The following PLCB1 variants were observed in gnomAD, a reference collection of about 807,000 sequenced individuals.
PLCB1 encodes the protein phospholipase C beta 1.
Under a neutral mutation model 161.8 loss-of-function variants are expected in PLCB1, and 46 were observed. The ratio of observed to expected loss-of-function variants is 0.28; its 90% confidence interval spans 0.22 to 0.36. The LOEUF (loss-of-function observed/expected upper bound fraction) is 0.36, where lower values mean the gene tolerates loss of function less well. Among genes scored for constraint, PLCB1 ranks in the 10% least tolerant of loss-of-function variants. The probability of loss-of-function intolerance (pLI) is 1.00; values close to 1 mark genes in which losing one functional copy is unlikely to be tolerated. For missense variants in PLCB1, 1,016 were observed against 1,472.5 expected (o/e 0.69, Z 5.07); for synonymous variants, 517 against 503.7 (o/e 1.03, Z -0.35).
At chr20:8,298,940 TAGAC>T (rs567580208) in intron 2 of PLCB1, among the ~76,000 whole-genome samples, 1 of 152,174 alleles carries the variant, frequency 6.6e-6, no homozygotes, top group East Asian at 1.9e-4. Context: ...ATTATAGACA[TAGAC>T]AGGTAGGTAT....
In PLCB1 at chr20:8,841,572, T is replaced by A. The variant is rs73605744; in HGVS notation, c.3424-40050T>A. Among the ~76,000 whole-genome samples, 1,318 of 152,368 alleles carry A rather than the reference T, an allele frequency of 8.7e-3. 23 individuals carry two copies. Among genetic ancestry groups the A allele is most frequent in the African/African-American group, 0.03 (1,228 of 41,578 alleles). ...GAATATCAAGTTTTTTCTGCCTTCC[T>A]ACCTCTGTCTTTCCGTAAGACAAAT... On this transcript the variant is annotated intron_variant, in intron 31 of 31. Coordinates refer to ENST00000338037, the MANE Select transcript of PLCB1 (RefSeq NM_015192.4).
At chr20:8,152,165 A>G (rs892299824) in intron 2 of PLCB1, among the ~76,000 whole-genome samples, 52 of 152,148 alleles carry the variant, frequency 3.4e-4, no homozygotes, top group African/African-American at 1.2e-3. Context: ...TCTAGCCAAG[A>G]GATAGAAATA....
rs945429040 is a variant in PLCB1, at chr20:8,884,629, T to G, written c.*2780T>G. ...CCATTTGCTTGCATTACTTTGAATTTAATGTTGCGCTTGTGCACTGTGTTA... is the reference window on the plus strand; with the variant it reads ...CCATTTGCTTGCATTACTTTGAATTGAATGTTGCGCTTGTGCACTGTGTTA... On this transcript the variant is annotated 3_prime_UTR_variant, in exon 32 of 32. Transcript: ENST00000338037. 7.2e-5 allele frequency: 11 copies of G among 152,654 alleles called. No homozygotes were observed. Among genetic ancestry groups the G allele is most frequent in the African/African-American group, 2.7e-4 (11 of 41,466 alleles). The allele number at this position is 152,654 out of a possible 1,614,324, so 9.5% of individuals were successfully genotyped here.
At chr20:8,613,416 T>C (rs900515671) in intron 3 of PLCB1, among the ~76,000 whole-genome samples, 5 of 152,200 alleles carry the variant, frequency 3.3e-5, no homozygotes, top group African/African-American at 1.2e-4. Flanking sequence ...TAGCCGTGTC[T>C]GTTAGCAACT....
intron 2 of PLCB1, among the ~76,000 whole-genome samples, chr20:8,273,498 A>G (rs1044327878): frequency 2.4e-4 from 37 of 152,270 alleles, no homozygotes; most frequent in African/African-American, 8.7e-4. Context: ...TGCAAAATCA[A>G]TTGCCAATTT....
intron 2 of PLCB1, among the ~76,000 whole-genome samples, chr20:8,335,243 A>T (rs558370154): frequency 6.6e-6 from 1 of 152,292 alleles, no homozygotes; most frequent in African/African-American, 2.4e-5. Flanking sequence ...GCTGGAGGTG[A>T]CAAGCTGGGA....
chr20:8,846,516 C>T (rs1360685118), intron 31 of PLCB1, among the ~76,000 whole-genome samples: 1 of 151,720 alleles, frequency 6.6e-6, no homozygotes, highest in Non-Finnish European at 1.5e-5. Context: ...GGTCTAGGTG[C>T]ACTTTGTAAC....
chr20:8,707,489 GA>G (rs1271394092), intron 11 of PLCB1, among the ~76,000 whole-genome samples: 2 of 152,100 alleles, frequency 1.3e-5, no homozygotes, highest in African/African-American at 4.8e-5. Context: ...AGTTAAATAA[GA>G]AAAACATTTT....
chr20:8,145,326 TCTAAGGCCTC>T (rs1474930546), intron 1 of PLCB1, among the ~76,000 whole-genome samples: 1 of 152,160 alleles, frequency 6.6e-6, no homozygotes, highest in Non-Finnish European at 1.5e-5. Flanking sequence ...TAGGGCCCAC[TCTAAGGCCTC>T]CTTTTAACTT....
rs181904841 is a variant in PLCB1, at chr20:8,462,821, A to G, written c.246+91371A>G. On this transcript the variant is annotated intron_variant, in intron 3 of 31. Coordinates refer to ENST00000338037, the MANE Select transcript of PLCB1 (RefSeq NM_015192.4). ...TTCCTCCACAATAAGGCTTAGACGC[A>G]AAACACTTCGTTTTCCTGATCACCA... Among the ~76,000 whole-genome samples, 13 of 124,412 alleles carry G rather than the reference A, an allele frequency of 1.0e-4. No individual in the cohort carries two copies. The East Asian group carries it at 2.1e-3, about 20-fold the overall frequency. The allele number at this position is 124,412 out of a possible 152,430, so 81.6% of individuals were successfully genotyped here. A position where few individuals can be genotyped will look rare whatever the true frequency, so the allele number is the denominator to read the frequency against.
At chr20:8,289,803 C>A (rs1156836330) in intron 2 of PLCB1, among the ~76,000 whole-genome samples, 1 of 152,204 alleles carries the variant, frequency 6.6e-6, no homozygotes, top group Non-Finnish European at 1.5e-5. Context: ...CTGTCAGTTT[C>A]TCTTCCAGCC....
At chr20:8,571,171 G>GT (rs1256430428) in intron 3 of PLCB1, among the ~76,000 whole-genome samples, 1 of 152,168 alleles carries the variant, frequency 6.6e-6, no homozygotes, top group Non-Finnish European at 1.5e-5. Flanking sequence ...ACCTATTTGT[G>GT]TTTTTTAGAA....
chr20:8,165,904 T>G lies in PLCB1; in HGVS notation c.177+15533T>G, dbSNP rs141527904. ...TGCCACCAGACCTAATAGCACACTT[T>G]CATTTACAGCTGCTTTCCTCTGTCT... On this transcript the variant is annotated intron_variant, in intron 2 of 31. Transcript: ENST00000338037. 1.1e-3 allele frequency among the ~76,000 whole-genome samples: 172 copies of G among 152,274 alleles called. 1 individual carries two copies. Among genetic ancestry groups the G allele is most frequent in the African/African-American group, 4.0e-3 (165 of 41,548 alleles).
intron 2 of PLCB1, among the ~76,000 whole-genome samples, chr20:8,334,158 G>A (rs182083553): frequency 2.0e-5 from 3 of 151,970 alleles, no homozygotes; most frequent in Non-Finnish European, 4.4e-5. Flanking sequence ...GCGATGAGCC[G>A]CGATCGCGCC....
rs768060162 is a variant in PLCB1 at position 8,741,471 on chromosome 20, C to T, written c.2421C>T (p.Ile807=). The T allele has an allele frequency of 1.9e-5, 30 of 1,610,930 alleles. No individual in the cohort carries two copies. In the Admixed American group the frequency reaches 2.0e-4, roughly 11 times the overall value. Residue 807 remains isoleucine, a synonymous_variant, in exon 23 of 32, where the codon ATC becomes ATT. Coordinates refer to ENST00000338037, the MANE Select transcript of PLCB1 (RefSeq NM_015192.4). ...TATCTCTTCCCTATTTAGATGTCAT[C>T]GAAGCTTTATCAAACCCAATCCGAT... ...DYVPDTYADV[I]EALSNPIRYV... is the part of the protein sequence containing the mutation.
At chr20:8,866,475 G>T (rs143287266) in intron 31 of PLCB1, among the ~76,000 whole-genome samples, 1 of 152,252 alleles carries the variant, frequency 6.6e-6, no homozygotes, top group East Asian at 1.9e-4. Context: ...CAAATACTCC[G>T]GAAGTTGCAA....
chr20:8,698,341 AT>A (rs1990625880), intron 11 of PLCB1, among the ~76,000 whole-genome samples: 1 of 152,128 alleles, frequency 6.6e-6, no homozygotes, highest in African/African-American at 2.4e-5. Context: ...AGCTTCACCA[AT>A]TTTTTTCACT....
chr20:8,764,322 T>C (rs1288844513), intron 25 of PLCB1, among the ~76,000 whole-genome samples: 1 of 152,214 alleles, frequency 6.6e-6, no homozygotes, highest in Non-Finnish European at 1.5e-5. Context: ...ATGATGTTTA[T>C]ACTGTAAATG....
intron 3 of PLCB1, among the ~76,000 whole-genome samples, chr20:8,601,756 T>G (rs4813865): frequency 0.3 from 46,370 of 152,098 alleles, 8,472 homozygotes; most frequent in Non-Finnish European, 0.4. Flanking sequence ...TTCTTTGCAC[T>G]TGAGTAAAGC....
Sources: allele counts gnomAD v4.1 joint callset (sites outside exome capture counted in the v4.1 genomes callset), GRCh38; gene constraint gnomAD v4.1.1; transcripts MANE v1.5; gene names NCBI Gene and HGNC (gene_info 2026-07-23, HGNC 2026-07-21).